Variants in EPYC observed in about 807,000 individuals in gnomAD.
EPYC encodes dermatan sulfate proteoglycan 3.
EPYC carries 28 observed loss-of-function variants against 30.1 expected under a neutral mutation model. The ratio of observed to expected loss-of-function variants is 0.93; its 90% CI spans 0.69 to 1.28. The LOEUF (loss-of-function observed/expected upper bound fraction) is 1.28, where lower values mean the gene tolerates loss of function less well. Ranked by LOEUF, EPYC falls within the 50% of genes most tolerant of loss-of-function variation. The pLI, the probability that EPYC is intolerant of heterozygous loss-of-function variation, is 0.00. For synonymous variants in EPYC, 144 were observed against 141.4 expected (o/e 1.02, Z -0.13); for missense variants, 382 against 383.5 (o/e 1.00, Z 0.03).
intron 2 of EPYC, among the ~76,000 whole-genome samples, chr12:90,998,421 T>C (rs1877746371): frequency 6.6e-6 from 1 of 152,108 alleles, no homozygotes; most frequent in African/African-American, 2.4e-5. Context: ...TCATAGATAT[T>C]CTAGATCATG....
intron 6 of EPYC, among the ~76,000 whole-genome samples, chr12:90,965,332 T>A (rs1876867667): frequency 6.6e-6 from 1 of 152,190 alleles, no homozygotes; most frequent in Non-Finnish European, 1.5e-5. Context: ...TGTGTAAAAG[T>A]TTTGTATGTA....
At chr12:90,973,934 A>C (rs748128812) in intron 3 of EPYC, among the ~76,000 whole-genome samples, 2 of 152,030 alleles carry the variant, frequency 1.3e-5, no homozygotes, top group Non-Finnish European at 2.9e-5. Flanking sequence ...ATCATAGTGT[A>C]GACAAAAGAT....
intron 2 of EPYC, among the ~76,000 whole-genome samples, chr12:91,001,848 G>T (rs1358912504): frequency 6.6e-6 from 1 of 151,614 alleles, no homozygotes; most frequent in African/African-American, 2.4e-5. Flanking sequence ...ACATTTTTAT[G>T]TTCAATTTGG....
At chr12:90,989,455 A>G (rs1592629459) in intron 2 of EPYC, among the ~76,000 whole-genome samples, 1 of 152,118 alleles carries the variant, frequency 6.6e-6, no homozygotes, top group Non-Finnish European at 1.5e-5. Flanking sequence ...TACACCAAAT[A>G]TCATAAAATC....
chr12:90,970,495 C>G (rs1000176213), intron 5 of EPYC, among the ~76,000 whole-genome samples: 3 of 152,182 alleles, frequency 2.0e-5, no homozygotes, highest in African/African-American at 7.2e-5. Context: ...TTTGATGAGG[C>G]ATAGCAAGCA....
Position 90,978,279 on chromosome 12 carries a change from A to G in EPYC, c.166-17T>C, listed in dbSNP as rs779500960. 2.5e-6 allele frequency: 4 copies of G among 1,571,792 alleles called. No individual in the cohort carries two copies. Among genetic ancestry groups the G allele is most frequent in the Non-Finnish European group, 3.4e-6 (4 of 1,166,632 alleles). ...TATTTCAATCTGAAAAAAAAAAAAA[A>G]AAGAGAATTTCTTCAGGCCAACTTC... On this transcript the variant is annotated splice_polypyrimidine_tract_variant and intron_variant, in intron 2 of 6. Transcript: ENST00000261172.
At chr12:90,966,699 T>C (rs1876905179) in intron 6 of EPYC, among the ~76,000 whole-genome samples, 1 of 152,126 alleles carries the variant, frequency 6.6e-6, no homozygotes, top group African/African-American at 2.4e-5. Context: ...TGAAATAGTT[T>C]GTGAAAGATT....
Position 91,002,394 on chromosome 12 carries a change from C to A in EPYC, c.165+7G>T. 2 of 1,608,976 alleles carry A rather than the reference C, an allele frequency of 1.2e-6. No individual in the cohort carries two copies. Among genetic ancestry groups the A allele is most frequent in the Non-Finnish European group, 8.5e-7 (1 of 1,177,932 alleles). Reference sequence around the variant, plus strand: ...TTTAAAGTTTCAAGAGTAGGAGGATCGATTACCTCAACTTTATCAACAGGT... The same window carrying A: ...TTTAAAGTTTCAAGAGTAGGAGGATAGATTACCTCAACTTTATCAACAGGT... On this transcript the variant is annotated splice_region_variant and intron_variant, in intron 2 of 6. Transcript: ENST00000261172.
intron 2 of EPYC, among the ~76,000 whole-genome samples, chr12:91,002,060 C>T (rs370384429): frequency 5.3e-4 from 81 of 151,438 alleles, no homozygotes; most frequent in African/African-American, 1.8e-3. Context: ...GTCCTAGCTA[C>T]GAGCCTGTAG....
chr12:90,987,077 A>C (rs1877465597), intron 2 of EPYC, among the ~76,000 whole-genome samples: 1 of 152,150 alleles, frequency 6.6e-6, no homozygotes, highest in African/African-American at 2.4e-5. Flanking sequence ...AAAATGGTTA[A>C]AGTTGCATGA....
At chr12:90,996,759 C>A (rs1287434424) in intron 2 of EPYC, among the ~76,000 whole-genome samples, 3 of 151,996 alleles carry the variant, frequency 2.0e-5, no homozygotes, top group East Asian at 3.9e-4. Context: ...TCAAGGAAAG[C>A]ATCTCTCATG....
rs193213901 is a variant in EPYC at position 90,973,639 on chromosome 12, T to C, written c.341-659A>G. Among the ~76,000 whole-genome samples the C allele has an allele frequency of 3.3e-5, 5 of 152,216 alleles. No homozygotes were observed. The East Asian group carries it at 7.7e-4, about 24-fold the overall frequency. On this transcript the variant is annotated intron_variant, in intron 3 of 6. Coordinates refer to ENST00000261172, the MANE Select transcript of EPYC (RefSeq NM_004950.5). ...TGAGCTGAGATCAGCAGAAGAGGAA[T>C]AATTGACTATGCAGGTAGGACAGGA...
At chr12:90,972,783 G>A (rs1877083837) in intron 4 of EPYC, 39 bp downstream of exon 4, 2 of 1,558,452 alleles carry the variant, frequency 1.3e-6, no homozygotes, top group Non-Finnish European at 1.7e-6. Context: ...TAAAGGAAGT[G>A]TGTAAAGCGG....
chr12:90,974,072 A>ACACACC (rs71094701), intron 3 of EPYC, among the ~76,000 whole-genome samples: 1,599 of 144,156 alleles, frequency 0.011, 17 homozygotes, highest in Admixed American at 0.028. Flanking sequence ...ACACACACAC[A>ACACACC]CCCCTACCTC....
In EPYC at chr12:90,972,901, C is replaced by T. The variant is rs1565871112; in HGVS notation, c.420G>A (p.Pro140=). 5.6e-6 allele frequency: 9 copies of T among 1,612,622 alleles called. No individual in the cohort carries two copies. Among genetic ancestry groups the T allele is most frequent in the Non-Finnish European group, 7.6e-6 (9 of 1,178,986 alleles). Residue 140 remains proline (P), a synonymous_variant, in exon 4 of 7, where the codon CCG becomes CCA. Transcript: ENST00000261172. ...AGAAATAAGCGGTGTTCTTTGGCAG[C>T]GGAGGAATAGCATCAAGTTCATGGT... ...CDDHELDAIP[P]LPKNTAYFYS... is the part of the protein sequence containing the mutation.
At chr12:91,000,375 CTAAGA>C (rs139047532) in intron 2 of EPYC, among the ~76,000 whole-genome samples, 8,248 of 152,030 alleles carry the variant, frequency 0.054, 319 homozygotes, top group Non-Finnish European at 0.078. Flanking sequence ...AACACAGATA[CTAAGA>C]TAATATTGTA....
rs74824241 is a variant in EPYC, at chr12:90,991,969, C to T, written c.165+10432G>A. 1.1e-4 allele frequency among the ~76,000 whole-genome samples: 17 copies of T among 152,262 alleles called. No individual in the cohort carries two copies. The East Asian group carries it at 3.3e-3, about 29-fold the overall frequency. On this transcript the variant is annotated intron_variant, in intron 2 of 6. Transcript: ENST00000261172. The stretch of plus-strand genomic sequence containing the variant: ...TTTACTAGGCTCCTGGGGGCACAGA[C>T]TTCAAAAATATCAACAGCAACTTCA...
intron 2 of EPYC, among the ~76,000 whole-genome samples, chr12:90,981,259 T>C (rs1447362601): frequency 6.6e-6 from 1 of 152,120 alleles, no homozygotes; most frequent in Non-Finnish European, 1.5e-5. Flanking sequence ...CCTGACTCCA[T>C]GTAAGCAACA....
At chr12:90,976,691 G>T (rs2120820661) in intron 3 of EPYC, among the ~76,000 whole-genome samples, 1 of 152,170 alleles carries the variant, frequency 6.6e-6, no homozygotes, top group African/African-American at 2.4e-5. Flanking sequence ...CAGTGATATT[G>T]TTTGGCTGTG....
Sources: gnomAD v4.1 joint callset for allele counts (sites outside exome capture counted in the v4.1 genomes callset) on GRCh38, gnomAD v4.1.1 for gene constraint, MANE v1.5 for transcripts, NCBI Gene and HGNC (gene_info 2026-07-23, HGNC 2026-07-21) for gene names.